USP7: variants seen among roughly 807,000 people sequenced by gnomAD.
The protein encoded by USP7 is ubiquitin specific peptidase 7, also known as ubiquitin C-terminal hydrolase 7.
In USP7, 9 loss-of-function variants were observed where a neutral mutation model predicts 162.9. The ratio of observed to expected loss-of-function variants is 0.06; its 90% CI spans 0.03 to 0.10. USP7 has a LOEUF of 0.10. Ranked by LOEUF, USP7 falls within the 10% of genes least tolerant of loss-of-function variation. The pLI, the probability that USP7 is intolerant of heterozygous loss-of-function variation, is 1.00. For missense variants in USP7, 715 were observed against 1,373.7 expected (o/e 0.52, Z 7.58); for synonymous variants, 562 against 475.9 (o/e 1.18, Z -2.35).
chr16:8,924,847 T>C (rs376934036), intron 2 of USP7, among the ~76,000 whole-genome samples: 1 of 152,232 alleles, frequency 6.6e-6, no homozygotes, highest in East Asian at 1.9e-4. Flanking sequence ...CAAATTATTT[T>C]ATTTCACATA....
At chr16:8,918,032 C>T (rs1301339569) in intron 6 of USP7, among the ~76,000 whole-genome samples, 7 of 151,060 alleles carry the variant, frequency 4.6e-5, no homozygotes, top group African/African-American at 7.3e-5. Flanking sequence ...CCTCATGATC[C>T]GCCCGCCTCG....
At chr16:8,912,819 TA>T (rs987750835) in intron 10 of USP7, among the ~76,000 whole-genome samples, 11 of 151,394 alleles carry the variant, frequency 7.3e-5, no homozygotes, top group Admixed American at 5.9e-4. Flanking sequence ...GATTTTCATT[TA>T]AAAAAAATCC....
In USP7 at chr16:8,893,855, G is replaced by T; in HGVS notation, c.*143C>A. The T allele has an allele frequency of 1.4e-6, 1 of 710,740 alleles. No individual in the cohort carries two copies. Among genetic ancestry groups the T allele is most frequent in the Non-Finnish European group, 2.4e-6 (1 of 410,646 alleles). 44.0% of individuals were successfully genotyped at this position (710,740 alleles called of 1,614,324 possible). The stretch of plus-strand genomic sequence containing the variant: ...TCAATAGATACAGAGAAGCCAAACT[G>T]AACAGCCTCAATAAAATAAAATTAA... On this transcript the variant is annotated 3_prime_UTR_variant, in exon 31 of 31. Transcript: ENST00000344836.
chr16:8,916,463 T>C, intron 8 of USP7, 39 bp downstream of exon 8: 5 of 1,583,614 alleles, frequency 3.2e-6, no homozygotes, highest in African/African-American at 1.4e-5. Context: ...CTTCAAAATA[T>C]TCATTGTAAG....
In USP7 at chr16:8,947,386, T is replaced by C. The variant is rs534238589; in HGVS notation, c.79+15821A>G. 5.5e-4 allele frequency among the ~76,000 whole-genome samples: 84 copies of C among 152,084 alleles called. No homozygotes were observed. In the Middle Eastern group the frequency reaches 0.01, roughly 18 times the overall value. Reference sequence around the variant, plus strand: ...ACACACACACAGGGTCTCACTCTTATCACCCAGGCCGAAGTACAGTGGTGC... The same window carrying C: ...ACACACACACAGGGTCTCACTCTTACCACCCAGGCCGAAGTACAGTGGTGC... On this transcript the variant is annotated intron_variant, in intron 1 of 30. Transcript: ENST00000344836.
In USP7 at chr16:8,895,058, T is replaced by C; in HGVS notation, c.3012A>G (p.Gly1004=). ...GGTGTATCCTCAGCAAAAACGGGAT[T>C]CCGAACGTTCCGAAGACCTCTTTGT... The part of the protein sequence containing the change: ...HFHKEVFGTF[G]IPFLLRIHQG... The change falls in exon 28 of 31, where the codon GGA becomes GGG. Residue 1004 remains glycine, a synonymous_variant. Coordinates refer to ENST00000344836, the MANE Select transcript of USP7 (RefSeq NM_003470.3). The C allele has an allele frequency of 1.9e-6, 3 of 1,614,228 alleles. No individual in the cohort carries two copies. The highest frequency in any genetic ancestry group is 2.5e-6 in the Non-Finnish European group (3 of 1,180,038).
At chr16:8,915,147 T>C in intron 10 of USP7, 107 bp downstream of exon 10, 1 of 1,058,582 alleles carries the variant, frequency 9.4e-7, no homozygotes, top group Admixed American at 2.7e-5. Flanking sequence ...ATCTGAGCCA[T>C]TCTCTGTGTT....
chr16:8,911,321 G>C (rs928665355), intron 10 of USP7, among the ~76,000 whole-genome samples: 1 of 152,130 alleles, frequency 6.6e-6, no homozygotes, highest in African/African-American at 2.4e-5. Flanking sequence ...AAATGGAAAA[G>C]GCAAAATAGT....
At chr16:8,896,099 G>T (rs1317764659) in intron 26 of USP7, among the ~76,000 whole-genome samples, 3 of 150,110 alleles carry the variant, frequency 2.0e-5, no homozygotes, top group Non-Finnish European at 4.4e-5. Flanking sequence ...TCGGCCTCCC[G>T]AAGTGCTGGG....
At chr16:8,907,391 T>C (rs1395224933) in intron 12 of USP7, among the ~76,000 whole-genome samples, 1 of 152,186 alleles carries the variant, frequency 6.6e-6, no homozygotes, top group African/African-American at 2.4e-5. Context: ...CCTCAGCTGG[T>C]AGCAAGTAAA....
chr16:8,917,774 A>G lies in USP7; in HGVS notation c.721-618T>C, dbSNP rs184439990. On this transcript the variant is annotated intron_variant, in intron 6 of 30. Transcript: ENST00000344836. ...ACTACTTTTATTTCCTACTTATTGGAGCACCATTTCTTTTTTTGTTTTGTT... is the reference window on the plus strand; with the variant it reads ...ACTACTTTTATTTCCTACTTATTGGGGCACCATTTCTTTTTTTGTTTTGTT... Among the ~76,000 whole-genome samples the G allele has an allele frequency of 2.4e-3, 358 of 152,148 alleles. 1 individual carries two copies. The highest frequency in any genetic ancestry group is 6.6e-3 in the African/African-American group (273 of 41,534).
At chr16:8,956,556 G>C (rs1899810562) in intron 1 of USP7, among the ~76,000 whole-genome samples, 1 of 152,174 alleles carries the variant, frequency 6.6e-6, no homozygotes, top group African/African-American at 2.4e-5. Context: ...CCTGAGCTCA[G>C]GAGGTCAAGA....
intron 3 of USP7, 132 bp downstream of exon 3, chr16:8,923,083 G>T (rs974186986): frequency 1.5e-6 from 1 of 669,420 alleles, no homozygotes; most frequent in Non-Finnish European, 2.5e-6. Context: ...ACATATACCA[G>T]TGGGTTTTAA....
intron 10 of USP7, among the ~76,000 whole-genome samples, chr16:8,912,281 G>A (rs150090945): frequency 0.022 from 3,382 of 151,854 alleles, 58 homozygotes; most frequent in South Asian, 0.065. Context: ...GTGAAACCCC[G>A]TCTCTACTAA....
rs1900099876 is a variant in USP7, at chr16:8,963,355, G to A, written c.-70C>T. 3 of 533,374 alleles carry A rather than the reference G, an allele frequency of 5.6e-6. No individual in the cohort carries two copies. Among genetic ancestry groups the A allele is most frequent in the Non-Finnish European group, 2.4e-6 (1 of 420,986 alleles). The allele number at this position is 533,374 out of a possible 1,614,324, so 33.0% of individuals were successfully genotyped here. ...GCGAGCCCGGCGGGCGGGCGGCGGC[G>A]AGCCGGGGCGGCGGCGGCGGCGGCG... On this transcript the variant is annotated 5_prime_UTR_variant, in exon 1 of 31. Transcript: ENST00000344836.
chr16:8,899,581 G>T (rs1306778267), intron 22 of USP7, 23 bp downstream of exon 22: 1 of 1,611,902 alleles, frequency 6.2e-7, no homozygotes, highest in African/African-American at 1.3e-5. Context: ...GATCTGAAGA[G>T]GAAAGGAGCA....
intron 25 of USP7, chr16:8,897,333 G>A (rs1529916): frequency 0.28 from 137,291 of 484,000 alleles, 20,159 homozygotes; most frequent in South Asian, 0.32. Context: ...AAGTGGCCTT[G>A]ATGCAAGAAG....
intron 3 of USP7, among the ~76,000 whole-genome samples, chr16:8,922,024 T>C (rs1475096248): frequency 1.3e-5 from 2 of 152,142 alleles, no homozygotes; most frequent in African/African-American, 4.8e-5. Flanking sequence ...TGACACTGGG[T>C]ATGGACCATT....
At chr16:8,907,294 T>A (rs551006877) in intron 12 of USP7, among the ~76,000 whole-genome samples, 2 of 152,194 alleles carry the variant, frequency 1.3e-5, no homozygotes, top group Non-Finnish European at 2.9e-5. Flanking sequence ...TACCAACAGG[T>A]TGGAATTGGT....
Sources: allele counts gnomAD v4.1 joint callset (sites outside exome capture counted in the v4.1 genomes callset), GRCh38; gene constraint gnomAD v4.1.1; transcripts MANE v1.5; gene names NCBI Gene and HGNC (gene_info 2026-07-23, HGNC 2026-07-21).